The following CDH9 variants were observed in gnomAD, a reference collection of about 807,000 sequenced individuals.
The protein encoded by CDH9 is cadherin 9.
In CDH9, 28 loss-of-function variants were observed where a neutral mutation model predicts 70.9. That is an observed-to-expected ratio of 0.40 (90% CI 0.29 to 0.54). CDH9 has a LOEUF of 0.54. Among genes scored for constraint, CDH9 ranks in the 20% least tolerant of loss-of-function variants. The pLI is 0.59. For synonymous variants in CDH9, 409 were observed against 343.1 expected (o/e 1.19, Z -2.12); for missense variants, 874 against 984.4 (o/e 0.89, Z 1.50).
At position 27,030,348 on chromosome 5, in the gene CDH9, C is replaced by CT. The variant is rs3841122; in HGVS notation, c.-50+8114dup. Reference sequence around the variant, plus strand: ...GGAGTTTCTGATGTTGAAAAAGCCACTTTTTTTTTAGCAATTAACTGAATA... The same window carrying CT: ...GGAGTTTCTGATGTTGAAAAAGCCACTTTTTTTTTTAGCAATTAACTGAATA... On this transcript the variant is annotated intron_variant, in intron 1 of 11. Transcript: ENST00000231021. Among the ~76,000 whole-genome samples, 892 of 150,832 alleles carry CT rather than the reference C, an allele frequency of 5.9e-3. 6 individuals are homozygous for CT. The highest frequency in any genetic ancestry group is 0.018 in the African/African-American group (753 of 41,118).
intron 2 of CDH9, among the ~76,000 whole-genome samples, chr5:26,965,376 A>T (rs952285830): frequency 1.3e-5 from 2 of 151,796 alleles, no homozygotes; most frequent in Non-Finnish European, 2.9e-5. Flanking sequence ...AGGAGTTCAC[A>T]ACCTGCCTGG....
chr5:26,911,486 G>T (rs1029134222), intron 3 of CDH9, among the ~76,000 whole-genome samples: 1 of 152,074 alleles, frequency 6.6e-6, no homozygotes, highest in East Asian at 1.9e-4. Context: ...CTGGTTGGGG[G>T]TCAAAGTGTT....
chr5:26,928,071 T>C (rs1741377179), intron 2 of CDH9, among the ~76,000 whole-genome samples: 1 of 151,792 alleles, frequency 6.6e-6, no homozygotes, highest in Non-Finnish European at 1.5e-5. Flanking sequence ...TATTTTTAGA[T>C]GATATAATCT....
chr5:26,884,418 G>A (rs1579660359), intron 11 of CDH9, among the ~76,000 whole-genome samples: 1 of 152,186 alleles, frequency 6.6e-6, no homozygotes, highest in Admixed American at 6.6e-5. Context: ...ATAAAACAAC[G>A]TGAAATCAGT....
At chr5:27,000,578 T>G (rs761576956) in intron 1 of CDH9, among the ~76,000 whole-genome samples, 1 of 152,118 alleles carries the variant, frequency 6.6e-6, no homozygotes, top group Non-Finnish European at 1.5e-5. Context: ...CAGTTAAGCT[T>G]TCTAGTAAAC....
intron 1 of CDH9, among the ~76,000 whole-genome samples, chr5:26,996,613 T>C (rs530720660): frequency 2.6e-5 from 4 of 152,068 alleles, no homozygotes; most frequent in East Asian, 1.9e-4. Flanking sequence ...GAGGGATATA[T>C]GCTTAAATTT....
At chr5:26,994,042 T>C (rs1035921) in intron 1 of CDH9, among the ~76,000 whole-genome samples, 79,245 of 152,072 alleles carry the variant, frequency 0.52, 22,167 homozygotes, top group African/African-American at 0.69. Context: ...TCCTTCTTTC[T>C]TATTCCTCCC....
intron 7 of CDH9, among the ~76,000 whole-genome samples, chr5:26,892,130 T>A (rs1579665544): frequency 6.6e-6 from 1 of 152,182 alleles, no homozygotes; most frequent in Non-Finnish European, 1.5e-5. Flanking sequence ...GCAATAGAAA[T>A]CTAATATATC....
intron 5 of CDH9, 67 bp downstream of exon 5, chr5:26,905,892 A>T: frequency 8.5e-7 from 1 of 1,175,886 alleles, no homozygotes. Flanking sequence ...TGAAATGTGA[A>T]TATTAAACTC....
At chr5:26,988,053 A>C (rs1742516414) in intron 2 of CDH9, 53 bp downstream of exon 2, 1 of 1,351,094 alleles carries the variant, frequency 7.4e-7, no homozygotes, top group Non-Finnish European at 1.0e-6. Context: ...TGCTGGAAAA[A>C]AATAAATAGC....
chr5:26,978,866 A>T (rs189350909), intron 2 of CDH9, among the ~76,000 whole-genome samples: 157 of 152,024 alleles, frequency 1.0e-3, no homozygotes, highest in African/African-American at 3.6e-3. Flanking sequence ...AAAGGAAAAT[A>T]AACTGTCAGA....
chr5:26,903,292 T>C, intron 6 of CDH9: 3 of 352,554 alleles, frequency 8.5e-6, no homozygotes, highest in South Asian at 7.5e-5. Context: ...TATTTAAATA[T>C]ATCATCACAC....
intron 7 of CDH9, among the ~76,000 whole-genome samples, chr5:26,896,119 G>GA (rs1343050662): frequency 2.0e-4 from 30 of 152,008 alleles, no homozygotes; most frequent in Admixed American, 3.3e-4. Flanking sequence ...GATGCTACAG[G>GA]TGAAATTATA....
At chr5:26,906,978 C>G in intron 3 of CDH9, 140 bp from the exon 4 acceptor site, 1 of 1,263,836 alleles carries the variant, frequency 7.9e-7, no homozygotes, top group Non-Finnish European at 1.0e-6. Flanking sequence ...AATACTTCCT[C>G]AAAAAAGTTA....
Position 26,892,934 on chromosome 5 carries a change from C to T in CDH9, c.1254-2370G>A, listed in dbSNP as rs1241277832. Among the ~76,000 whole-genome samples the T allele has an allele frequency of 1.1e-4, 17 of 151,924 alleles. 1 individual carries two copies. The highest frequency in any genetic ancestry group is 1.1e-3 in the Admixed American group (17 of 15,240). ...ATTTTTAGTAGAGACAGGGTTTCAC[C>T]GTGTTAGCCAGGATGGTCTCGATCT... On this transcript the variant is annotated intron_variant, in intron 7 of 11. Coordinates refer to ENST00000231021, the MANE Select transcript of CDH9 (RefSeq NM_016279.4).
chr5:26,942,741 C>G (rs1741685233), intron 2 of CDH9, among the ~76,000 whole-genome samples: 1 of 152,144 alleles, frequency 6.6e-6, no homozygotes, highest in East Asian at 1.9e-4. Context: ...TGCCTTATGT[C>G]TGGTTTAACC....
In CDH9 at chr5:26,906,614, G is replaced by A. The variant is rs1740953108; in HGVS notation, c.643+105C>T. On this transcript the variant is annotated intron_variant, in intron 4 of 11. Transcript: ENST00000231021. ...AATGACAGGAAACAAATAGAAACATGAAACTGAAAGAATAATGGTTTTAAA... is the reference window on the plus strand; with the variant it reads ...AATGACAGGAAACAAATAGAAACATAAAACTGAAAGAATAATGGTTTTAAA... 2.8e-6 allele frequency: 4 copies of A among 1,411,072 alleles called. No individual in the cohort carries two copies. The Admixed American group carries it at 9.3e-5, about 33-fold the overall frequency. 87.4% of individuals were successfully genotyped at this position (1,411,072 alleles called of 1,614,324 possible).
intron 7 of CDH9, among the ~76,000 whole-genome samples, chr5:26,901,268 A>T (rs539789670): frequency 6.6e-6 from 1 of 152,022 alleles, no homozygotes; most frequent in East Asian, 1.9e-4. Context: ...GTATTTTTTT[A>T]AAACAGATGT....
chr5:26,984,884 G>T (rs1246024333), intron 2 of CDH9, among the ~76,000 whole-genome samples: 1 of 152,030 alleles, frequency 6.6e-6, no homozygotes, highest in Non-Finnish European at 1.5e-5. Context: ...ACAAAAACTT[G>T]CTATTTATTC....
Sources: allele counts gnomAD v4.1 joint callset (sites outside exome capture counted in the v4.1 genomes callset), GRCh38; gene constraint gnomAD v4.1.1; transcripts MANE v1.5; gene names NCBI Gene and HGNC (gene_info 2026-07-23, HGNC 2026-07-21).